PRKG1: variants seen among roughly 807,000 people sequenced by gnomAD.
The protein encoded by PRKG1 is protein kinase cGMP-dependent 1, also known as cGMP-dependent protein kinase 1.
In PRKG1, 35 loss-of-function variants were observed where a neutral mutation model predicts 88.1. That is an observed-to-expected ratio of 0.40 (90% CI 0.30 to 0.53). The LOEUF is 0.53. PRKG1 is among the 20% of genes least tolerant of loss of function. PRKG1 has a pLI of 0.59. For missense variants in PRKG1, 540 were observed against 839.8 expected (o/e 0.64, Z 4.41); for synonymous variants, 303 against 292.5 (o/e 1.04, Z -0.37).
intron 9 of PRKG1, among the ~76,000 whole-genome samples, chr10:52,189,127 GT>G (rs2132749961): frequency 1.3e-5 from 2 of 152,204 alleles, no homozygotes; most frequent in South Asian, 4.1e-4. Context: ...ATACTTTTCT[GT>G]ATAAAGAAAA....
At chr10:51,921,553 G>GT (rs1311947120) in intron 5 of PRKG1, among the ~76,000 whole-genome samples, 1 of 152,020 alleles carries the variant, frequency 6.6e-6, no homozygotes, top group African/African-American at 2.4e-5. Context: ...GCTCTTTGTA[G>GT]TTTTTTGTTG....
intron 2 of PRKG1, among the ~76,000 whole-genome samples, chr10:51,239,040 TA>T (rs537719620): frequency 1.3e-5 from 2 of 151,934 alleles, no homozygotes; most frequent in South Asian, 2.1e-4. Context: ...TTATAACAAC[TA>T]AAAAAAATCT....
chr10:51,564,467 G>T (rs1786394934), intron 3 of PRKG1, among the ~76,000 whole-genome samples: 1 of 151,944 alleles, frequency 6.6e-6, no homozygotes, highest in Admixed American at 6.6e-5. Context: ...GGAGATGAGG[G>T]AGTGAGCTTT....
chr10:51,156,115 C>A (rs1174149496), intron 2 of PRKG1, among the ~76,000 whole-genome samples: 1 of 151,890 alleles, frequency 6.6e-6, no homozygotes, highest in Non-Finnish European at 1.5e-5. Context: ...ATTTACTAAC[C>A]CTTTCCCCAA....
intron 3 of PRKG1, among the ~76,000 whole-genome samples, chr10:51,701,574 G>C: frequency 6.6e-6 from 1 of 152,180 alleles, no homozygotes; most frequent in Non-Finnish European, 1.5e-5. Flanking sequence ...GGGGACGAAA[G>C]GGGAGGGGTT....
intron 5 of PRKG1, among the ~76,000 whole-genome samples, chr10:51,973,058 G>T (rs1410947039): frequency 6.6e-6 from 1 of 152,072 alleles, no homozygotes; most frequent in Non-Finnish European, 1.5e-5. Flanking sequence ...GCGGCACTTT[G>T]GAGCAACAGG....
intron 5 of PRKG1, chr10:52,046,605 G>A (rs1163307755): frequency 6.6e-6 from 1 of 152,094 alleles, no homozygotes; most frequent in Admixed American, 6.6e-5. Flanking sequence ...ATATTTTGCA[G>A]AAAAGAACAT....
At chr10:51,718,129 G>C (rs897081639) in intron 3 of PRKG1, among the ~76,000 whole-genome samples, 2 of 152,060 alleles carry the variant, frequency 1.3e-5, no homozygotes, top group African/African-American at 4.8e-5. Flanking sequence ...TGGTGGTGGG[G>C]AAAAACAACA....
chr10:52,155,732 G>GCC (rs3220860), intron 8 of PRKG1, among the ~76,000 whole-genome samples: 4 of 147,788 alleles, frequency 2.7e-5, no homozygotes, highest in Non-Finnish European at 6.0e-5. Context: ...ATTGCCATTG[G>GCC]ACACACACAC....
rs762828746 is a variant in PRKG1, at chr10:51,693,287, C to CAAAA, written c.593-111282_593-111279dup. Among the ~76,000 whole-genome samples, 71 of 70,586 alleles carry CAAAA rather than the reference C, an allele frequency of 1.0e-3. 1 individual carries two copies. Among genetic ancestry groups the CAAAA allele is most frequent in the Admixed American group, 2.2e-3 (13 of 5,934 alleles). The allele number at this position is 70,586 out of a possible 152,430, so 46.3% of individuals were successfully genotyped here. A position where few individuals can be genotyped will look rare whatever the true frequency, so the allele number is the denominator to read the frequency against. ...TGGGCAGCAAAGTGAGACACCACCT[C>CAAAA]AAAAAAAAAAAAAAAAAAAGCTGTT... is the stretch of plus-strand genomic sequence containing the variant. On this transcript the variant is annotated intron_variant, in intron 3 of 17. Coordinates refer to ENST00000373980, the MANE Select transcript of PRKG1 (RefSeq NM_006258.4).
intron 5 of PRKG1, among the ~76,000 whole-genome samples, chr10:52,013,956 A>G (rs1370645615): frequency 6.6e-6 from 1 of 151,926 alleles, no homozygotes; most frequent in East Asian, 1.9e-4. Flanking sequence ...CACTGCCCTT[A>G]TATTTAGCTG....
rs1163043731 is a variant in PRKG1, at chr10:51,737,736, TATTA to T, written c.593-66844_593-66841del. On this transcript the variant is annotated intron_variant, in intron 3 of 17. Transcript: ENST00000373980. ...TTATTTATTTATTTATTTATTTATT[TATTA>T]ATTATTATTATTATTATTATTATTA... 2.9e-3 allele frequency among the ~76,000 whole-genome samples: 391 copies of T among 133,862 alleles called. 3 individuals carry two copies. Among genetic ancestry groups the T allele is most frequent in the East Asian group, 9.1e-3 (42 of 4,630 alleles). 87.8% of individuals were successfully genotyped at this position (133,862 alleles called of 152,430 possible).
At chr10:52,008,230 G>A (rs1385157794) in intron 5 of PRKG1, among the ~76,000 whole-genome samples, 3 of 152,046 alleles carry the variant, frequency 2.0e-5, no homozygotes, top group African/African-American at 7.2e-5. Flanking sequence ...GGAGAAGCAA[G>A]AGCAAACCAA....
chr10:51,335,801 C>A (rs1237527616), intron 2 of PRKG1, among the ~76,000 whole-genome samples: 1 of 152,164 alleles, frequency 6.6e-6, no homozygotes, highest in Non-Finnish European at 1.5e-5. Context: ...CAACAAAGAT[C>A]ATTGAGTAGT....
At chr10:52,186,153 G>C (rs1030960672) in intron 9 of PRKG1, among the ~76,000 whole-genome samples, 1 of 152,180 alleles carries the variant, frequency 6.6e-6, no homozygotes, top group Non-Finnish European at 1.5e-5. Context: ...ATTGGCTCAT[G>C]GTTCTGCAGG....
intron 2 of PRKG1, among the ~76,000 whole-genome samples, chr10:51,193,838 C>G (rs541647810): frequency 6.6e-6 from 1 of 152,238 alleles, no homozygotes; most frequent in African/African-American, 2.4e-5. Context: ...TTCAAGCCAG[C>G]AAATCTGCAC....
chr10:52,160,230 A>C (rs1838242915), intron 8 of PRKG1, among the ~76,000 whole-genome samples: 1 of 151,954 alleles, frequency 6.6e-6, no homozygotes, highest in Admixed American at 6.6e-5. Context: ...ATTCTATGGG[A>C]AAGTGGGAAA....
intron 1 of PRKG1, among the ~76,000 whole-genome samples, chr10:51,097,728 A>G (rs186743290): frequency 1.2e-3 from 178 of 152,236 alleles, no homozygotes; most frequent in African/African-American, 4.1e-3. Context: ...TTTTTAATGC[A>G]GATTACCCTC....
At chr10:52,277,416 A>C (rs1349757082) in intron 12 of PRKG1, among the ~76,000 whole-genome samples, 2 of 152,204 alleles carry the variant, frequency 1.3e-5, no homozygotes, top group South Asian at 2.1e-4. Flanking sequence ...ATTAAGACAT[A>C]GTAGCTAAAA....
Sources: gnomAD v4.1 joint callset for allele counts (sites outside exome capture counted in the v4.1 genomes callset) on GRCh38, gnomAD v4.1.1 for gene constraint, MANE v1.5 for transcripts, NCBI Gene and HGNC (gene_info 2026-07-23, HGNC 2026-07-21) for gene names.